TRAPPC13: variants seen among roughly 807,000 people sequenced by gnomAD.
TRAPPC13 encodes trafficking protein particle complex subunit 13, also known as REV7-interacting novel NHEJ regulator 1.
Under a neutral mutation model 54.0 loss-of-function variants are expected in TRAPPC13, and 39 were observed. That is an observed-to-expected ratio of 0.72 (90% CI 0.56 to 0.94). TRAPPC13 has a LOEUF of 0.94. TRAPPC13 is among the 40% of genes least tolerant of loss of function. The pLI is 0.00. For synonymous variants in TRAPPC13, 148 were observed against 167.7 expected (o/e 0.88, Z 0.91); for missense variants, 386 against 488.1 (o/e 0.79, Z 1.97).
At chr5:65,629,666 A>G (rs1480370348) in intron 1 of TRAPPC13, 2 of 1,536,086 alleles carry the variant, frequency 1.3e-6, no homozygotes, top group Admixed American at 3.9e-5. Context: ...AGAAAAAGCA[A>G]TTCAAGACTT....
intron 9 of TRAPPC13, among the ~76,000 whole-genome samples, 199 bp downstream of exon 9, chr5:65,658,700 TTTTTA>T (rs1228374581): frequency 2.0e-5 from 3 of 151,100 alleles, no homozygotes; most frequent in Admixed American, 1.3e-4. Flanking sequence ...TACGTCTTGT[TTTTTA>T]TTTTATTTTT....
intron 1 of TRAPPC13, among the ~76,000 whole-genome samples, chr5:65,627,154 A>AAAAAG (rs1755279754): frequency 2.0e-5 from 3 of 150,264 alleles, no homozygotes; most frequent in Non-Finnish European, 4.4e-5. Flanking sequence ...AAAAAAAAAA[A>AAAAAG]AAAGAACAAT....
At chr5:65,634,903 A>G in intron 1 of TRAPPC13, 2 of 820,672 alleles carry the variant, frequency 2.4e-6, no homozygotes, top group Non-Finnish European at 2.8e-6. Context: ...TCTCAAAAAA[A>G]AAACAAAAAA....
intron 1 of TRAPPC13, among the ~76,000 whole-genome samples, chr5:65,631,807 G>T (rs1292220806): frequency 2.6e-5 from 4 of 151,480 alleles, no homozygotes; most frequent in African/African-American, 9.7e-5. Context: ...TAAACCACAG[G>T]AATCATGAAA....
intron 5 of TRAPPC13, 85 bp downstream of exon 5, chr5:65,647,267 G>A: frequency 8.2e-7 from 1 of 1,226,224 alleles, no homozygotes; most frequent in Non-Finnish European, 1.1e-6. Flanking sequence ...CATTCACCAT[G>A]AAGCATAGGA....
At chr5:65,632,091 C>T (rs1581208085) in intron 1 of TRAPPC13, among the ~76,000 whole-genome samples, 1 of 151,274 alleles carries the variant, frequency 6.6e-6, no homozygotes, top group East Asian at 1.9e-4. Flanking sequence ...ACAAAAACTA[C>T]AAAAATTAAC....
chr5:65,631,145 G>C (rs2150662938), intron 1 of TRAPPC13, among the ~76,000 whole-genome samples: 1 of 152,236 alleles, frequency 6.6e-6, no homozygotes, highest in Non-Finnish European at 1.5e-5. Context: ...AGACAGACAT[G>C]GACCTTGCCC....
Position 65,634,846 on chromosome 5 carries a change from C to T in TRAPPC13, c.47-455C>T, listed in dbSNP as rs372271812. ...CCTGGGAGATAGAGGTTGCAGTGAG[C>T]CGAGATCGCACCACTACACTCCAGC... is the stretch of plus-strand genomic sequence containing the variant. On this transcript the variant is annotated intron_variant, in intron 1 of 12. Transcript: ENST00000399438. The T allele has an allele frequency of 1.1e-5, 4 of 352,386 alleles. No individual in the cohort carries two copies. In the South Asian group the frequency reaches 3.5e-4, roughly 31 times the overall value. The allele number at this position is 352,386 out of a possible 1,614,324, so 21.8% of individuals were successfully genotyped here.
intron 4 of TRAPPC13, among the ~76,000 whole-genome samples, chr5:65,644,175 AT>A (rs1205174668): frequency 6.6e-6 from 1 of 151,568 alleles, no homozygotes. Context: ...GGTCCTGGTG[AT>A]TTTTTTTCTT....
intron 9 of TRAPPC13, 21 bp downstream of exon 9, chr5:65,658,522 T>C (rs1439694178): frequency 6.6e-7 from 1 of 1,504,950 alleles, no homozygotes; most frequent in South Asian, 1.3e-5. Flanking sequence ...ATTTATGAAG[T>C]CTTTATCCTT....
chr5:65,652,262 C>T (rs1447754944), intron 6 of TRAPPC13, among the ~76,000 whole-genome samples: 1 of 150,800 alleles, frequency 6.6e-6, no homozygotes, highest in East Asian at 1.9e-4. Flanking sequence ...AGCAAAAACC[C>T]ATGTAATGTA....
intron 2 of TRAPPC13, 136 bp from the exon 3 acceptor site, chr5:65,635,808 C>A: frequency 1.9e-6 from 1 of 536,998 alleles, no homozygotes; most frequent in South Asian, 3.5e-5. Context: ...GTATTAAAAT[C>A]TAGAAGTTAG....
chr5:65,663,943 A>G (rs1057037581), intron 11 of TRAPPC13: 8 of 285,660 alleles, frequency 2.8e-5, no homozygotes, highest in Middle Eastern at 9.6e-4. Context: ...TCCCAGAAAA[A>G]TGGTAGCACC....
chr5:65,648,799 A>G (rs1269814258), intron 5 of TRAPPC13, among the ~76,000 whole-genome samples: 1 of 152,118 alleles, frequency 6.6e-6, no homozygotes. Context: ...CTTTTTGCAT[A>G]TATATATAAA....
intron 1 of TRAPPC13, among the ~76,000 whole-genome samples, chr5:65,631,250 T>G (rs1317296552): frequency 6.6e-6 from 1 of 152,202 alleles, no homozygotes; most frequent in Non-Finnish European, 1.5e-5. Context: ...ATGTTTACCT[T>G]GAAGCTCAGT....
chr5:65,665,729 C>CTT lies in TRAPPC13; in HGVS notation c.*1119_*1120dup, dbSNP rs1169192350. On this transcript the variant is annotated 3_prime_UTR_variant, in exon 13 of 13. Transcript: ENST00000399438. ...AACTTTCTCTCTCCATGTAATCACA[C>CTT]TTAGTTATGAGCAAAGCAGTGAGAA... 2 of 152,224 alleles carry CTT rather than the reference C, an allele frequency of 1.3e-5. No homozygotes were observed. The highest frequency in any genetic ancestry group is 2.9e-5 in the Non-Finnish European group (2 of 68,002). The allele number at this position is 152,224 out of a possible 1,614,324, so 9.4% of individuals were successfully genotyped here. A position where few individuals can be genotyped will look rare whatever the true frequency, so the allele number is the denominator to read the frequency against.
intron 11 of TRAPPC13, 172 bp downstream of exon 11, chr5:65,662,322 A>G (rs1581235849): frequency 2.0e-6 from 1 of 493,484 alleles, no homozygotes; most frequent in Admixed American, 4.0e-5. Context: ...ATAATTACAT[A>G]TTTTTAAGGG....
chr5:65,638,684 G>C (rs371330662), intron 4 of TRAPPC13, among the ~76,000 whole-genome samples: 1 of 152,206 alleles, frequency 6.6e-6, no homozygotes, highest in Non-Finnish European at 1.5e-5. Context: ...GTTCCACGTA[G>C]CTGGGGACAA....
intron 1 of TRAPPC13, among the ~76,000 whole-genome samples, chr5:65,628,492 C>T (rs1372808625): frequency 2.0e-5 from 3 of 148,806 alleles, no homozygotes; most frequent in Non-Finnish European, 3.0e-5. Flanking sequence ...CGGAGTCTTG[C>T]CCTGTCACCC....
Sources: allele counts gnomAD v4.1 joint callset (sites outside exome capture counted in the v4.1 genomes callset), GRCh38; gene constraint gnomAD v4.1.1; transcripts MANE v1.5; gene names NCBI Gene and HGNC (gene_info 2026-07-23, HGNC 2026-07-21).